SNX19: variants seen among roughly 807,000 people sequenced by gnomAD.
SNX19 encodes sorting nexin 19.
SNX19 carries 60 observed loss-of-function variants against 85.2 expected under a neutral mutation model. The observed-to-expected ratio is 0.70, with a 90% CI of 0.57 to 0.87. The LOEUF is 0.87. Ranked by LOEUF, SNX19 falls within the 40% of genes least tolerant of loss-of-function variation. The pLI, the probability that SNX19 is intolerant of heterozygous loss-of-function variation, is 0.00. For missense variants in SNX19, 1,201 were observed against 1,217.8 expected (o/e 0.99, Z 0.21); for synonymous variants, 520 against 470.0 (o/e 1.11, Z -1.38).
intron 8 of SNX19, among the ~76,000 whole-genome samples, chr11:130,881,770 C>T (rs866540578): frequency 3.9e-5 from 6 of 152,230 alleles, no homozygotes; most frequent in Non-Finnish European, 7.3e-5. Flanking sequence ...TTGACCATCA[C>T]AGCTGGAAGT....
At chr11:130,905,774 G>A in intron 7 of SNX19, 179 bp downstream of exon 7, 1 of 1,537,908 alleles carries the variant, frequency 6.5e-7, no homozygotes, top group South Asian at 1.2e-5. Context: ...TTCCGCTGTG[G>A]CAACTATGTA....
chr11:130,911,728 T>C lies in SNX19; in HGVS notation c.1718A>G (p.Gln573Arg). 1 of 1,614,232 alleles carries C rather than the reference T, an allele frequency of 6.2e-7. No individual in the cohort carries two copies. Among genetic ancestry groups the C allele is most frequent in the Middle Eastern group, 1.6e-4 (1 of 6,062 alleles). ...LDGENSSGLQ[Q>R]LAYHTVNRRY... ...ACGATTCACAGTGTGGTAGGCCAGC[T>C]GCTGCAGGCCGCTGCTGTTTTCACC... The change falls in exon 2 of 11, where the codon CAG becomes CGG. Residue 573 changes from glutamine to arginine, a missense_variant. Coordinates refer to ENST00000265909, the MANE Select transcript of SNX19 (RefSeq NM_014758.3).
chr11:130,880,805 A>T lies in SNX19; in HGVS notation c.2575T>A (p.Trp859Arg). The T allele has an allele frequency of 6.4e-7, 1 of 1,552,438 alleles. No homozygotes were observed. Among genetic ancestry groups the T allele is most frequent in the Non-Finnish European group, 8.8e-7 (1 of 1,136,578 alleles). ...RLIFGTLVQRWLEVQVANLTS... is the reference protein window; with the variant it reads ...RLIFGTLVQRRLEVQVANLTS... ...AAATTAGCTACCTGCACCTCTAGCC[A>T]CCTGTGGTAGAAGAGAGACGAAAGC... Residue 859 changes from tryptophan to arginine, a missense_variant and splice_region_variant, in exon 9 of 11, where the codon TGG becomes AGG. Trp to Arg is a moderately radical substitution (Grantham distance 101, BLOSUM62 -3). This residue lies in a region of SNX19 where 285 missense variants were observed against 295.3 expected (regional missense o/e 0.97). Coordinates refer to ENST00000265909, the MANE Select transcript of SNX19 (RefSeq NM_014758.3).
At chr11:130,891,739 G>A (rs1944508854) in intron 8 of SNX19, among the ~76,000 whole-genome samples, 1 of 152,098 alleles carries the variant, frequency 6.6e-6, no homozygotes, top group South Asian at 2.1e-4. Context: ...GACACTTGGG[G>A]TCTGTGTATT....
intron 8 of SNX19, among the ~76,000 whole-genome samples, chr11:130,896,602 G>A (rs1012490706): frequency 3.9e-5 from 6 of 152,142 alleles, no homozygotes; most frequent in African/African-American, 1.4e-4. Context: ...TGAGCTCTGA[G>A]GCCAGGATGA....
chr11:130,914,176 A>G, intron 1 of SNX19, 90 bp downstream of exon 1: 2 of 1,097,588 alleles, frequency 1.8e-6, no homozygotes, highest in South Asian at 1.6e-5. Context: ...TCAAACTAAC[A>G]GCATCTCTCC....
At position 130,880,760 on chromosome 11, in the gene SNX19, C is replaced by G; in HGVS notation, c.2620G>C (p.Val874Leu). The change falls in exon 9 of 11, where the codon GTG becomes CTG. Residue 874 changes from valine (V) to leucine (L), a missense_variant. Around this residue, in one of 3 missense-constraint regions of SNX19, gnomAD observed 285 missense variants for 295.3 expected, o/e 0.97. Transcript: ENST00000265909. ...VANLTSPQRW[V>L]QYLLLLQESI... ...TCCTGAAGAAGCAGGAGGTACTGCA[C>G]CCAGCGCTGTGGACTTGTTAAATTA... 6.2e-7 allele frequency: 1 copy of G among 1,600,752 alleles called. No homozygotes were observed. The highest frequency in any genetic ancestry group is 8.5e-7 in the Non-Finnish European group (1 of 1,170,098).
intron 8 of SNX19, among the ~76,000 whole-genome samples, chr11:130,895,797 C>A (rs1944836485): frequency 6.6e-6 from 1 of 152,148 alleles, no homozygotes; most frequent in Non-Finnish European, 1.5e-5. Flanking sequence ...AGATATATTC[C>A]AGTAGAGACT....
At position 130,915,831 on chromosome 11, in the gene SNX19, C is replaced by A; in HGVS notation, c.109G>T (p.Gly37Cys). 6.2e-7 allele frequency: 1 copy of A among 1,614,222 alleles called. No individual in the cohort carries two copies. The highest frequency in any genetic ancestry group is 8.5e-7 in the Non-Finnish European group (1 of 1,180,040). Reference protein sequence around the residue: ...RKLMAVGVLLGWLLVIHLLVN... With the variant: ...RKLMAVGVLLCWLLVIHLLVN... ...AGAAGGTGTATGACCAGGAGCCAGC[C>A]AAGCAAGACCCCCACAGCCATCAGC... Residue 37 changes from glycine (G) to cysteine (C), a missense_variant, in exon 1 of 11, where the codon GGC becomes TGC. Around this residue, in one of 3 missense-constraint regions of SNX19, gnomAD observed 791 missense variants for 750.9 expected, o/e 1.05. Transcript: ENST00000265909.
Position 130,866,474 on chromosome 11 carries a change from G to A in SNX19, c.*11948C>T, listed in dbSNP as rs1432464357. 2.0e-5 allele frequency: 3 copies of A among 152,124 alleles called. No homozygotes were observed. The highest frequency in any genetic ancestry group is 2.1e-4 in the South Asian group (1 of 4,830). 9.4% of individuals were successfully genotyped at this position (152,124 alleles called of 1,614,324 possible). A position where few individuals can be genotyped will look rare whatever the true frequency, so the allele number is the denominator to read the frequency against. On this transcript the variant is annotated 3_prime_UTR_variant, in exon 11 of 11. Coordinates refer to ENST00000265909, the MANE Select transcript of SNX19 (RefSeq NM_014758.3). ...AAGGCCGGGAGACAGTAATAAATAC[G>A]TGCCCATTGCAATGAGTTACCCAAT...
At chr11:130,897,855 G>C (rs1179661534) in intron 8 of SNX19, among the ~76,000 whole-genome samples, 1 of 152,208 alleles carries the variant, frequency 6.6e-6, no homozygotes, top group African/African-American at 2.4e-5. Context: ...CCTTGGCTCA[G>C]AGTGCTACCC....
At chr11:130,896,330 T>C (rs11602545) in intron 8 of SNX19, among the ~76,000 whole-genome samples, 24,232 of 152,228 alleles carry the variant, frequency 0.16, 2,183 homozygotes, top group Middle Eastern at 0.25. Flanking sequence ...TTTTCCTGAT[T>C]GTGAATAGCA....
rs1946429043 is a variant in SNX19 at position 130,914,912 on chromosome 11, A to T, written c.1028T>A (p.Met343Lys). 1 of 1,614,026 alleles carries T rather than the reference A, an allele frequency of 6.2e-7. No homozygotes were observed. Residue 343 changes from methionine to lysine, a missense_variant, in exon 1 of 11, where the codon ATG (methionine) becomes AAG (lysine). Met to Lys is a moderately conservative substitution (Grantham distance 95). Transcript: ENST00000265909. ...HEAVEGDLGG[M>K]CEERKVGNNS... is the part of the protein sequence containing the mutation. Reference sequence around the variant, plus strand: ...GTTTCCTACTTTTCTTTCTTCACACATCCCACCCAAATCTCCCTCTACAGC... The same window carrying T: ...GTTTCCTACTTTTCTTTCTTCACACTTCCCACCCAAATCTCCCTCTACAGC...
intron 4 of SNX19, among the ~76,000 whole-genome samples, chr11:130,909,457 A>T (rs1211238053): frequency 6.6e-6 from 1 of 152,222 alleles, no homozygotes; most frequent in African/African-American, 2.4e-5. Flanking sequence ...AGAGATGCTC[A>T]TATCAGTTGG....
chr11:130,907,372 C>A (rs1945751688), intron 5 of SNX19, among the ~76,000 whole-genome samples: 1 of 151,888 alleles, frequency 6.6e-6, no homozygotes, highest in African/African-American at 2.4e-5. Context: ...TTCATAAGGA[C>A]CCAGATATAG....
At chr11:130,910,614 T>C (rs1946032123) in intron 2 of SNX19, among the ~76,000 whole-genome samples, 1 of 152,186 alleles carries the variant, frequency 6.6e-6, no homozygotes, top group South Asian at 2.1e-4. Flanking sequence ...ACTATAATGA[T>C]GATCTTAGGC....
In SNX19 at chr11:130,914,717, G is replaced by C; in HGVS notation, c.1223C>G (p.Ser408Cys). The C allele has an allele frequency of 1.2e-6, 2 of 1,614,022 alleles. No individual in the cohort carries two copies. The highest frequency in any genetic ancestry group is 1.7e-6 in the Non-Finnish European group (2 of 1,179,962). Residue 408 changes from serine (S) to cysteine (C), a missense_variant, in exon 1 of 11, where the codon TCC (serine) becomes TGC (cysteine). Physicochemically the swap from Ser to Cys is moderately radical, Grantham distance 112. Around this residue, in one of 3 missense-constraint regions of SNX19, gnomAD observed 791 missense variants for 750.9 expected, o/e 1.05. Coordinates refer to ENST00000265909, the MANE Select transcript of SNX19 (RefSeq NM_014758.3). ...IQDALCALESSQALEPKDGEA... is the reference protein window; with the variant it reads ...IQDALCALESCQALEPKDGEA... The stretch of plus-strand genomic sequence containing the variant: ...ACCATCTTTGGGTTCCAGAGCCTGG[G>C]AACTCTCTAGGGCACACAGGGCATC...
chr11:130,910,043 G>A lies in SNX19; in HGVS notation c.2009C>T (p.Pro670Leu). ...CTTGTCTATTCTAGAGACCATAAAT[G>A]GTTTCTTGACAAAGGCAATACGAGC... is the stretch of plus-strand genomic sequence containing the variant. ...TDARIAFVKK[P>L]FMVSRIDKMV... is the part of the protein sequence containing the mutation. The change falls in exon 4 of 11, where the codon CCA becomes CTA. Residue 670 changes from proline to leucine, a missense_variant. This residue lies in a region of SNX19 where 125 missense variants were observed against 171.6 expected (regional missense o/e 0.73). Coordinates refer to ENST00000265909, the MANE Select transcript of SNX19 (RefSeq NM_014758.3). 1 of 1,613,784 alleles carries A rather than the reference G, an allele frequency of 6.2e-7. No homozygotes were observed. Among genetic ancestry groups the A allele is most frequent in the South Asian group, 1.1e-5 (1 of 91,046 alleles).
intron 8 of SNX19, among the ~76,000 whole-genome samples, chr11:130,890,571 C>T (rs1944423073): frequency 6.6e-6 from 1 of 152,188 alleles, no homozygotes; most frequent in African/African-American, 2.4e-5. Flanking sequence ...TTATCATCAG[C>T]CATTATTCTT....
Sources: allele counts gnomAD v4.1 joint callset (sites outside exome capture counted in the v4.1 genomes callset), GRCh38; gene constraint gnomAD v4.1.1; regional missense constraint gnomAD v4.1.1; transcripts MANE v1.5; gene names NCBI Gene and HGNC (gene_info 2026-07-23, HGNC 2026-07-21).